Variants in QRFPR observed in about 807,000 individuals in gnomAD.
The protein encoded by QRFPR is pyroglutamylated RFamide peptide receptor.
Under a neutral mutation model 31.3 loss-of-function variants are expected in QRFPR, and 37 were observed. The observed-to-expected ratio is 1.18, with a 90% confidence interval of 0.91 to 1.56. QRFPR has a LOEUF of 1.56. Ranked by LOEUF, QRFPR falls within the 40% of genes most tolerant of loss-of-function variation. The pLI is 0.00. For missense variants in QRFPR, 542 were observed against 532.5 expected, an observed-to-expected ratio of 1.02 and a Z score of -0.18; for synonymous variants, 197 against 192.0, an observed-to-expected ratio of 1.03 and a Z score of -0.22.
chr4:121,351,067 C>T (rs1421270575), intron 1 of QRFPR, among the ~76,000 whole-genome samples: 1 of 152,152 alleles, frequency 6.6e-6, no homozygotes, highest in African/African-American at 2.4e-5. Flanking sequence ...AACAAACCTG[C>T]ACATCCTGCA....
At chr4:121,349,830 T>A (rs72917729) in intron 1 of QRFPR, among the ~76,000 whole-genome samples, 4,133 of 152,288 alleles carry the variant, frequency 0.027, 185 homozygotes, top group African/African-American at 0.091. Context: ...CTACTCTGTA[T>A]CAATAACATG....
chr4:121,379,003 T>C (rs1726413330), intron 1 of QRFPR, among the ~76,000 whole-genome samples: 1 of 152,190 alleles, frequency 6.6e-6, no homozygotes, highest in Non-Finnish European at 1.5e-5. Context: ...GATCAAAAAA[T>C]ACCCCATTAA....
intron 1 of QRFPR, among the ~76,000 whole-genome samples, chr4:121,344,591 A>G (rs977056295): frequency 6.6e-6 from 1 of 152,118 alleles, no homozygotes; most frequent in East Asian, 1.9e-4. Flanking sequence ...AAAAATAGGT[A>G]CATGCTCTTT....
At chr4:121,356,458 A>T (rs754815520) in intron 1 of QRFPR, among the ~76,000 whole-genome samples, 3 of 152,042 alleles carry the variant, frequency 2.0e-5, no homozygotes, top group South Asian at 4.1e-4. Flanking sequence ...TATTTTCTTG[A>T]TGTTTGTGAA....
At chr4:121,357,193 G>T (rs1280422343) in intron 1 of QRFPR, among the ~76,000 whole-genome samples, 1 of 152,060 alleles carries the variant, frequency 6.6e-6, no homozygotes, top group African/African-American at 2.4e-5. Context: ...CTCTAGGGGA[G>T]AATTCATTTC....
intron 1 of QRFPR, among the ~76,000 whole-genome samples, chr4:121,347,915 T>C (rs1180585087): frequency 6.6e-6 from 1 of 152,184 alleles, no homozygotes; most frequent in East Asian, 1.9e-4. Flanking sequence ...GACTTTATAG[T>C]CAAGATCCTT....
At chr4:121,376,233 C>T (rs1016087710) in intron 1 of QRFPR, among the ~76,000 whole-genome samples, 1 of 152,176 alleles carries the variant, frequency 6.6e-6, no homozygotes, top group African/African-American at 2.4e-5. Context: ...GCCACTTCTG[C>T]TAGCTCCATG....
chr4:121,334,567 G>T (rs955880269), intron 3 of QRFPR: 3 of 300,094 alleles, frequency 1.0e-5, no homozygotes, highest in Admixed American at 7.7e-5. Flanking sequence ...TAAACACATG[G>T]CAGGGCTTTG....
intron 1 of QRFPR, chr4:121,369,583 C>G: frequency 6.2e-7 from 1 of 1,611,504 alleles, no homozygotes; most frequent in South Asian, 1.1e-5. Context: ...GGGCACGGAT[C>G]AGTTCCATTG....
At chr4:121,339,571 T>C (rs918885831) in intron 2 of QRFPR, among the ~76,000 whole-genome samples, 2 of 152,180 alleles carry the variant, frequency 1.3e-5, no homozygotes, top group African/African-American at 4.8e-5. Flanking sequence ...TTTCTACCCT[T>C]GTGTACTCAC....
At chr4:121,345,001 G>A (rs78849464) in intron 1 of QRFPR, among the ~76,000 whole-genome samples, 2 of 152,184 alleles carry the variant, frequency 1.3e-5, no homozygotes, top group Non-Finnish European at 2.9e-5. Context: ...ATAATTAGAT[G>A]TTAGTATCAC....
intron 1 of QRFPR, among the ~76,000 whole-genome samples, chr4:121,357,406 G>C (rs901916479): frequency 6.6e-6 from 1 of 152,094 alleles, no homozygotes; most frequent in Non-Finnish European, 1.5e-5. Flanking sequence ...TTCTGCAACA[G>C]AGATAAGGTA....
chr4:121,359,049 A>G (rs1275437801), intron 1 of QRFPR, among the ~76,000 whole-genome samples: 1 of 152,186 alleles, frequency 6.6e-6, no homozygotes, highest in Non-Finnish European at 1.5e-5. Context: ...GTTTGTAACC[A>G]CTATGGAAAT....
At chr4:121,331,609 A>AT (rs1412028222) in intron 4 of QRFPR, among the ~76,000 whole-genome samples, 1 of 147,130 alleles carries the variant, frequency 6.8e-6, no homozygotes, top group Non-Finnish European at 1.5e-5. Context: ...ATAAAAACTC[A>AT]TACTCATTAT....
chr4:121,352,937 C>T (rs750914042), intron 1 of QRFPR, among the ~76,000 whole-genome samples: 1 of 151,798 alleles, frequency 6.6e-6, no homozygotes, highest in Non-Finnish European at 1.5e-5. Flanking sequence ...TTTTTTCTTT[C>T]GTTCCCACAT....
chr4:121,343,305 C>A (rs574267539), intron 1 of QRFPR, among the ~76,000 whole-genome samples: 23 of 152,312 alleles, frequency 1.5e-4, no homozygotes, highest in African/African-American at 5.3e-4. Flanking sequence ...ACTCCCTTAT[C>A]ACCTATCCTA....
At chr4:121,374,394 T>C (rs904349110) in intron 1 of QRFPR, among the ~76,000 whole-genome samples, 1 of 152,228 alleles carries the variant, frequency 6.6e-6, no homozygotes, top group Non-Finnish European at 1.5e-5. Context: ...TTTACATCTA[T>C]TATTTCTTTT....
intron 1 of QRFPR, among the ~76,000 whole-genome samples, chr4:121,366,895 T>C (rs1185588105): frequency 7.6e-6 from 1 of 131,470 alleles, no homozygotes; most frequent in Non-Finnish European, 1.7e-5. Flanking sequence ...TTCTCTGCAG[T>C]GCATAGCAAG....
In QRFPR at chr4:121,333,139, C is replaced by A. The variant is rs896541011; in HGVS notation, c.562-83G>T. On this transcript the variant is annotated intron_variant, in intron 3 of 5. Coordinates refer to ENST00000394427, the MANE Select transcript of QRFPR (RefSeq NM_198179.3). The stretch of plus-strand genomic sequence containing the variant: ...TCAGCCAAGTATTATTGCAACACAA[C>A]ATTTTTTAAGTTCTTTCAAATTTGT... The A allele has an allele frequency of 4.7e-6, 4 of 844,026 alleles. No individual in the cohort carries two copies. The Admixed American group carries it at 9.9e-5, about 21-fold the overall frequency. The allele number at this position is 844,026 out of a possible 1,614,324, so 52.3% of individuals were successfully genotyped here. A position where few individuals can be genotyped will look rare whatever the true frequency, so the allele number is the denominator to read the frequency against.
Sources: gnomAD v4.1 joint callset for allele counts (sites outside exome capture counted in the v4.1 genomes callset) on GRCh38, gnomAD v4.1.1 for gene constraint, MANE v1.5 for transcripts, NCBI Gene and HGNC (gene_info 2026-07-23, HGNC 2026-07-21) for gene names.